Variants in SELENOF observed in about 807,000 individuals in gnomAD.
The protein encoded by SELENOF is 15 kDa selenoprotein.
Under a neutral mutation model 20.5 loss-of-function variants are expected in SELENOF, and 16 were observed. That is an observed-to-expected ratio of 0.78 (90% CI 0.53 to 1.19). The LOEUF is 1.19. Ranked by LOEUF, SELENOF falls within the 50% of genes most tolerant of loss-of-function variation. The probability of loss-of-function intolerance (pLI) is 0.00; values close to 1 mark genes in which losing one functional copy is unlikely to be tolerated. For missense variants in SELENOF, 215 were observed against 194.2 expected (o/e 1.11, Z -0.64); for synonymous variants, 78 against 74.5 (o/e 1.05, Z -0.24).
intron 2 of SELENOF, among the ~76,000 whole-genome samples, chr1:86,890,989 C>T (rs538301813): frequency 4.0e-5 from 6 of 151,514 alleles, no homozygotes; most frequent in African/African-American, 9.7e-5. Context: ...ATTATGTTTT[C>T]GTCCAACAAA....
At chr1:86,888,445 T>TA (rs1406462032) in intron 2 of SELENOF, among the ~76,000 whole-genome samples, 1 of 152,134 alleles carries the variant, frequency 6.6e-6, no homozygotes, top group Non-Finnish European at 1.5e-5. Flanking sequence ...ATCTTTTTTT[T>TA]AAAAATTTTT....
intron 1 of SELENOF, among the ~76,000 whole-genome samples, chr1:86,910,863 G>C (rs553862644): frequency 5.9e-5 from 9 of 152,196 alleles, no homozygotes; most frequent in African/African-American, 2.2e-4. Context: ...CCTCCAGTTG[G>C]GATCACTGAT....
At chr1:86,887,106 A>T in intron 2 of SELENOF, 1 of 1,471,106 alleles carries the variant, frequency 6.8e-7, no homozygotes, top group Non-Finnish European at 9.0e-7. Context: ...TTTGCTGTTC[A>T]TCTTCAAGTC....
At chr1:86,892,714 T>C (rs757877770) in intron 2 of SELENOF, among the ~76,000 whole-genome samples, 44 of 152,184 alleles carry the variant, frequency 2.9e-4, no homozygotes, top group Non-Finnish European at 5.9e-5. Context: ...ACATGATTTA[T>C]ATAAAATATT....
chr1:86,907,873 T>A (rs992009632), intron 1 of SELENOF, among the ~76,000 whole-genome samples: 2 of 151,874 alleles, frequency 1.3e-5, no homozygotes, highest in African/African-American at 4.8e-5. Flanking sequence ...GTAATCTGAG[T>A]TACTCAGGAG....
chr1:86,869,954 T>C (rs1218991430), intron 3 of SELENOF, among the ~76,000 whole-genome samples: 1 of 152,138 alleles, frequency 6.6e-6, no homozygotes, highest in Non-Finnish European at 1.5e-5. Flanking sequence ...TTTTTATTTT[T>C]AGTAGAGATG....
chr1:86,908,696 C>T (rs1475502772), intron 1 of SELENOF, among the ~76,000 whole-genome samples: 2 of 152,140 alleles, frequency 1.3e-5, no homozygotes, highest in African/African-American at 2.4e-5. Flanking sequence ...TGGGGGGCAT[C>T]TCAGAAAGAA....
At chr1:86,870,949 G>T (rs745751686) in intron 3 of SELENOF, among the ~76,000 whole-genome samples, 6 of 151,806 alleles carry the variant, frequency 4.0e-5, no homozygotes, top group Non-Finnish European at 8.8e-5. Flanking sequence ...TTAACAGACT[G>T]CAATAAGTGA....
Position 86,914,041 on chromosome 1 carries a change from G to A in SELENOF, c.71C>T (p.Thr24Ile), listed in dbSNP as rs1239119591. Residue 24 changes from threonine to isoleucine, a missense_variant, in exon 1 of 5, where the codon ACT becomes ATT. Thr to Ile is a moderately conservative substitution (Grantham distance 89, BLOSUM62 -1). Transcript: ENST00000331835. ...PAFGLRLLLA[T>I]VLQAVSAFGA... ...ATCTACACTCACCGCTTGAAGCACA[G>A]TCGCCAACAACAACCGTAGCCCAAA... 1.1e-5 allele frequency: 18 copies of A among 1,613,784 alleles called. No individual in the cohort carries two copies. Among genetic ancestry groups the A allele is most frequent in the Non-Finnish European group, 1.5e-5 (18 of 1,179,832 alleles).
At chr1:86,867,128 G>A (rs992841951) in intron 4 of SELENOF, among the ~76,000 whole-genome samples, 1 of 152,044 alleles carries the variant, frequency 6.6e-6, no homozygotes, top group Non-Finnish European at 1.5e-5. Flanking sequence ...ATCTGAAAAG[G>A]CTACATATTG....
chr1:86,907,417 T>G (rs1481032563), intron 1 of SELENOF, among the ~76,000 whole-genome samples: 2 of 152,232 alleles, frequency 1.3e-5, no homozygotes, highest in African/African-American at 4.8e-5. Context: ...GTTCTATCAC[T>G]GGTTTTGCAG....
At chr1:86,870,365 G>A (rs1658729405) in intron 3 of SELENOF, among the ~76,000 whole-genome samples, 2 of 151,994 alleles carry the variant, frequency 1.3e-5, no homozygotes, top group Admixed American at 6.6e-5. Flanking sequence ...TTATCCTTTA[G>A]GATTTTTCCA....
chr1:86,899,708 G>A (rs1347051449), intron 2 of SELENOF, among the ~76,000 whole-genome samples: 5 of 151,858 alleles, frequency 3.3e-5, no homozygotes, highest in African/African-American at 7.2e-5. Context: ...CCTCCCTCCC[G>A]GACAGGGCGG....
chr1:86,868,504 AT>A (rs1658672768), intron 3 of SELENOF, among the ~76,000 whole-genome samples: 3 of 152,188 alleles, frequency 2.0e-5, no homozygotes, highest in Admixed American at 2.0e-4. Flanking sequence ...ATTAAAAGAG[AT>A]AAAAATGTCT....
At chr1:86,896,675 G>A (rs1659535008) in intron 2 of SELENOF, among the ~76,000 whole-genome samples, 1 of 152,102 alleles carries the variant, frequency 6.6e-6, no homozygotes, top group Non-Finnish European at 1.5e-5. Context: ...GATAGATTTG[G>A]GATGCTTATG....
At chr1:86,867,826 G>A (rs371007913) in intron 4 of SELENOF, among the ~76,000 whole-genome samples, 97 of 150,848 alleles carry the variant, frequency 6.4e-4, no homozygotes, top group Non-Finnish European at 1.2e-3. Context: ...GGAGTATATG[G>A]GAATACTCTT....
rs1395167158 is a variant in SELENOF, at chr1:86,899,921, G to A, written c.252+3360C>T. On this transcript the variant is annotated intron_variant, in intron 2 of 4. Coordinates refer to ENST00000331835, the MANE Select transcript of SELENOF (RefSeq NM_004261.5). The stretch of plus-strand genomic sequence containing the variant: ...TCACCTCCCAGACGGGGTCGCGGCC[G>A]GGCAGAGGCGCTCCTCACATCCCAC... Among the ~76,000 whole-genome samples the A allele has an allele frequency of 7.9e-5, 12 of 151,766 alleles. No individual in the cohort carries two copies. The East Asian group carries it at 1.6e-3, about 20-fold the overall frequency.
chr1:86,878,590 G>A lies in SELENOF; in HGVS notation c.316+2072C>T, dbSNP rs577667315. 1.4e-3 allele frequency among the ~76,000 whole-genome samples: 220 copies of A among 152,328 alleles called. 1 individual carries two copies. The highest frequency in any genetic ancestry group is 5.0e-3 in the African/African-American group (209 of 41,576). On this transcript the variant is annotated intron_variant, in intron 3 of 4. Coordinates refer to ENST00000331835, the MANE Select transcript of SELENOF (RefSeq NM_004261.5). ...CCAGCTACTCAGGAGACTGAGGCAG[G>A]AGAATCACTTGAACCTGGGAGGCAG...
intron 2 of SELENOF, among the ~76,000 whole-genome samples, chr1:86,894,272 T>C (rs113464142): frequency 5.8e-4 from 88 of 151,290 alleles, no homozygotes; most frequent in African/African-American, 1.9e-3. Flanking sequence ...CACATATAAA[T>C]AAGAGAAGAA....
Sources: gnomAD v4.1 joint callset for allele counts (sites outside exome capture counted in the v4.1 genomes callset) on GRCh38, gnomAD v4.1.1 for gene constraint, MANE v1.5 for transcripts, NCBI Gene and HGNC (gene_info 2026-07-23, HGNC 2026-07-21) for gene names.